Variants in ZBTB7B observed in about 807,000 individuals in gnomAD.
ZBTB7B encodes the protein zinc finger and BTB domain containing 7B, also known as zinc finger and BTB domain-containing protein 7B.
In ZBTB7B, 8 loss-of-function variants were observed where a neutral mutation model predicts 31.0. That is an observed-to-expected ratio of 0.26 (90% CI 0.15 to 0.47). The LOEUF is 0.47. ZBTB7B is among the 20% of genes least tolerant of loss of function. The pLI, the probability that ZBTB7B is intolerant of heterozygous loss-of-function variation, is 0.99. For missense variants in ZBTB7B, 494 were observed against 742.4 expected (o/e 0.67, Z 3.89); for synonymous variants, 261 against 307.3 (o/e 0.85, Z 1.58).
chr1:155,005,907 A>G (rs1015753868), intron 1 of ZBTB7B, among the ~76,000 whole-genome samples: 4 of 151,984 alleles, frequency 2.6e-5, no homozygotes, highest in African/African-American at 9.7e-5. Context: ...GGCCCGGGGG[A>G]CTGGGAGGAA....
At chr1:155,011,023 C>T in intron 1 of ZBTB7B, 6 of 1,533,324 alleles carry the variant, frequency 3.9e-6, no homozygotes, top group Non-Finnish European at 4.4e-6. Context: ...GAGGTAGGGG[C>T]CTTGGAACCT....
rs368877809 is a variant in ZBTB7B, at chr1:155,015,797, C to T, written c.1137C>T (p.Cys379=). The T allele has an allele frequency of 2.2e-5, 36 of 1,610,884 alleles. No homozygotes were observed. The highest frequency in any genetic ancestry group is 2.9e-5 in the Non-Finnish European group (34 of 1,179,076). ...AGAAGCCCTTTGCCTGCGAGGTCTG[C>T]GGTGTTCGATTCACCAGGTGAGCAG... The part of the protein sequence containing the change: ...TGEKPFACEV[C]GVRFTRNDKL... The change falls in exon 2 of 3, where the codon TGC becomes TGT. Residue 379 remains cysteine (C), a synonymous_variant. Transcript: ENST00000535420.
upstream of ZBTB7B, among the ~76,000 whole-genome samples, chr1:155,002,015 C>T (rs1227470987): frequency 6.6e-6 from 1 of 152,024 alleles, no homozygotes. Context: ...CTCTCATACC[C>T]TTCCCTCCTG....
rs1658420223 is a variant in ZBTB7B at position 155,004,164 on chromosome 1, G to C, written c.-7+1221G>C. On this transcript the variant is annotated intron_variant, in intron 1 of 2. Coordinates refer to ENST00000535420, the MANE Select transcript of ZBTB7B (RefSeq NM_001256455.2). The surrounding 1 kb of genome is among the most constrained non-coding windows in gnomAD (Gnocchi z 4.0). Reference sequence around the variant, plus strand: ...GAAACGAGCGCTGCTGACCTAGTTTGGGACACCGGAAGTGGGTGCTGGGGA... The same window carrying C: ...GAAACGAGCGCTGCTGACCTAGTTTCGGACACCGGAAGTGGGTGCTGGGGA... 6.6e-6 allele frequency among the ~76,000 whole-genome samples: 1 copy of C among 152,198 alleles called. No homozygotes were observed. The highest frequency in any genetic ancestry group is 1.5e-5 in the Non-Finnish European group (1 of 68,032).
Position 155,015,544 on chromosome 1 carries a change from G to A in ZBTB7B, c.884G>A (p.Gly295Glu). ...GCCTATGGGCTGGCGCAGGGTGGCG[G>A]GCCCCCGCTGTCCCCAGAGGAGCTG... is the stretch of plus-strand genomic sequence containing the variant. ...PPAYGLAQGG[G>E]PPLSPEELGS... Residue 295 changes from glycine (G) to glutamate (E), a missense_variant, in exon 2 of 3, where the codon GGG becomes GAG. Gly to Glu is a moderately conservative substitution (Grantham distance 98, BLOSUM62 -2). Coordinates refer to ENST00000535420, the MANE Select transcript of ZBTB7B (RefSeq NM_001256455.2). 6.2e-7 allele frequency: 1 copy of A among 1,613,828 alleles called. No individual in the cohort carries two copies. Among genetic ancestry groups the A allele is most frequent in the Non-Finnish European group, 8.5e-7 (1 of 1,179,932 alleles).
chr1:155,016,386 A>G lies in ZBTB7B; in HGVS notation c.1321A>G (p.Lys441Glu). 6.2e-7 allele frequency: 1 copy of G among 1,614,118 alleles called. No individual in the cohort carries two copies. The change falls in exon 3 of 3, where the codon AAG becomes GAG. Residue 441 changes from lysine to glutamate, a missense_variant. Around this residue, in one of 5 missense-constraint regions of ZBTB7B, gnomAD observed 61 missense variants for 170.0 expected, o/e 0.36. Coordinates refer to ENST00000535420, the MANE Select transcript of ZBTB7B (RefSeq NM_001256455.2). The surrounding 1 kb of genome is among the most constrained non-coding windows in gnomAD (Gnocchi z 4.3). ...CCACCTGTGCCACAAGGCTTTCGCC[A>G]AGGAGGACCACCTGCAGCGCCACCT... ...ECHLCHKAFA[K>E]EDHLQRHLKG...
rs1162404847 is a variant in ZBTB7B at position 155,016,608 on chromosome 1, C to T, written c.1543C>T (p.Pro515Ser). 4 of 1,612,678 alleles carry T rather than the reference C, an allele frequency of 2.5e-6. No homozygotes were observed. The highest frequency in any genetic ancestry group is 2.5e-6 in the Non-Finnish European group (3 of 1,179,178). ...SAPTGPPVSTPGPPDDDEEEG... is the reference protein window; with the variant it reads ...SAPTGPPVSTSGPPDDDEEEG... ...CCCCACTGGGCCCCCGGTCTCTACC[C>T]CAGGGCCCCCTGATGACGATGAGGA... The change falls in exon 3 of 3, where the codon CCA (proline) becomes TCA (serine). Residue 515 changes from proline to serine, a missense_variant. Transcript: ENST00000535420. The surrounding 1 kb of genome is among the most constrained non-coding windows in gnomAD (Gnocchi z 4.3).
In ZBTB7B at chr1:155,017,643, G is replaced by T. The variant is rs1659565164; in HGVS notation, c.*958G>T. The T allele has an allele frequency of 6.6e-6, 1 of 152,512 alleles. No homozygotes were observed. Among genetic ancestry groups the T allele is most frequent in the Admixed American group, 6.5e-5 (1 of 15,312 alleles). The allele number at this position is 152,512 out of a possible 1,614,324, so 9.4% of individuals were successfully genotyped here. On this transcript the variant is annotated 3_prime_UTR_variant, in exon 3 of 3. Transcript: ENST00000535420. Reference sequence around the variant, plus strand: ...GGTAAGGGGTTGGAAGAGCCTTGTGGAGAGCGGGCGAGCCGGCGCCATCTG... The same window carrying T: ...GGTAAGGGGTTGGAAGAGCCTTGTGTAGAGCGGGCGAGCCGGCGCCATCTG...
Position 155,017,346 on chromosome 1 carries a change from C to CTGGGGGCAGTAG in ZBTB7B, c.*662_*673dup, listed in dbSNP as rs1553257645. On this transcript the variant is annotated 3_prime_UTR_variant, in exon 3 of 3. Transcript: ENST00000535420. ...GGTGGCCTGATTGGCTCGCCTGCCC[C>CTGGGGGCAGTAG]TGGGGGCAGTAGAGGGGCCCCGCCC... The CTGGGGGCAGTAG allele has an allele frequency of 1.0e-5, 1 of 98,274 alleles. No individual in the cohort carries two copies. The highest frequency in any genetic ancestry group is 2.5e-5 in the Non-Finnish European group (1 of 39,220). The allele number at this position is 98,274 out of a possible 1,614,324, so 6.1% of individuals were successfully genotyped here.
In ZBTB7B at chr1:155,015,462, C is replaced by G; in HGVS notation, c.802C>G (p.Gln268Glu). 1 of 1,595,466 alleles carries G rather than the reference C, an allele frequency of 6.3e-7. No individual in the cohort carries two copies. Among genetic ancestry groups the G allele is most frequent in the Non-Finnish European group, 8.6e-7 (1 of 1,168,496 alleles). Reference protein sequence around the residue: ...TGTASPPEGPQSYEPYEGEEE... With the variant: ...TGTASPPEGPESYEPYEGEEE... ...AACTGCCTCCCCTCCTGAGGGTCCCCAGAGCTACGAACCCTATGAGGGTGA... is the reference window on the plus strand; with the variant it reads ...AACTGCCTCCCCTCCTGAGGGTCCCGAGAGCTACGAACCCTATGAGGGTGA... Residue 268 changes from glutamine (Q) to glutamate (E), a missense_variant, in exon 2 of 3, where the codon CAG becomes GAG. By Grantham distance (29) the Gln-to-Glu change is conservative. Coordinates refer to ENST00000535420, the MANE Select transcript of ZBTB7B (RefSeq NM_001256455.2).
intron 1 of ZBTB7B, among the ~76,000 whole-genome samples, chr1:155,009,386 G>A (rs1472699347): frequency 6.6e-6 from 1 of 152,006 alleles, no homozygotes; most frequent in Non-Finnish European, 1.5e-5. Context: ...GGCTGGGGGG[G>A]AGGGGGTGGG....
upstream of ZBTB7B, chr1:155,002,759 G>C (rs905736315): frequency 2.6e-5 from 4 of 153,458 alleles, no homozygotes; most frequent in African/African-American, 9.8e-5. Flanking sequence ...GAGGGGGGGC[G>C]GGCGGCAGGA....
At chr1:155,012,800 A>ACC (rs1407999198) in intron 1 of ZBTB7B, among the ~76,000 whole-genome samples, 3 of 64,086 alleles carry the variant, frequency 4.7e-5, no homozygotes, top group South Asian at 5.0e-4. Flanking sequence ...TCCCCCATTC[A>ACC]CCCCCCCACC....
chr1:155,016,605 AC>A lies in ZBTB7B; in HGVS notation c.1544del (p.Pro515GlnfsTer33). The A allele has an allele frequency of 6.2e-7, 1 of 1,612,382 alleles. No homozygotes were observed. Among genetic ancestry groups the A allele is most frequent in the Non-Finnish European group, 8.5e-7 (1 of 1,179,000 alleles). Reference sequence around the variant, plus strand: ...AGCCCCCACTGGGCCCCCGGTCTCTACCCCAGGGCCCCCTGATGACGATGAG... The same window carrying A: ...AGCCCCCACTGGGCCCCCGGTCTCTACCCAGGGCCCCCTGATGACGATGAG... ...QSAPTGPPVS[T>X]PGPPDDDEEE... On this transcript the variant is annotated frameshift_variant, in exon 3 of 3. Transcript: ENST00000535420. LOFTEE classifies it high-confidence loss of function. This position sits in a 1 kb window ranked among gnomAD's most constrained non-coding sequence, Gnocchi z 4.3.
At chr1:155,015,902 G>A (rs1333542795) in intron 2 of ZBTB7B, 88 bp downstream of exon 2, 1 of 1,485,794 alleles carries the variant, frequency 6.7e-7, no homozygotes. Context: ...GAGACCCGAG[G>A]TGGTGGTAGG....
chr1:155,011,080 T>C, intron 1 of ZBTB7B: 1 of 1,346,660 alleles, frequency 7.4e-7, no homozygotes, highest in Non-Finnish European at 1.0e-6. Flanking sequence ...CATATCTATT[T>C]TCTCTGCTGC....
rs543138269 is a variant in ZBTB7B, at chr1:155,008,955, G to A, written c.-6-5700G>A. On this transcript the variant is annotated intron_variant, in intron 1 of 2. Coordinates refer to ENST00000535420, the MANE Select transcript of ZBTB7B (RefSeq NM_001256455.2). The stretch of plus-strand genomic sequence containing the variant: ...CCAACCTGCTGCCCCCAGGGGCCAG[G>A]AGGAGTTGCCGCCAGGCCCCTCAGC... Among the ~76,000 whole-genome samples the A allele has an allele frequency of 7.0e-4, 107 of 152,324 alleles. No individual in the cohort carries two copies. In the South Asian group the frequency reaches 0.022, roughly 31 times the overall value.
At chr1:155,009,955 G>A (rs1016936979) in intron 1 of ZBTB7B, among the ~76,000 whole-genome samples, 1 of 152,006 alleles carries the variant, frequency 6.6e-6, no homozygotes, top group Non-Finnish European at 1.5e-5. Context: ...GAGAGGATGC[G>A]GAGTTCAGGG....
At chr1:155,014,402 C>T (rs369422726) in intron 1 of ZBTB7B, 1 of 522,690 alleles carries the variant, frequency 1.9e-6, no homozygotes, top group Non-Finnish European at 3.4e-6. Context: ...ACCGGGCCCA[C>T]TCCCTGAGTT....
Sources: allele counts gnomAD v4.1 joint callset (sites outside exome capture counted in the v4.1 genomes callset), GRCh38; gene constraint gnomAD v4.1.1; regional missense constraint gnomAD v4.1.1; non-coding constraint Gnocchi (gnomAD v3.1); transcripts MANE v1.5; gene names NCBI Gene and HGNC (gene_info 2026-07-23, HGNC 2026-07-21).